ANKS1B: variants seen among roughly 807,000 people sequenced by gnomAD.
ANKS1B encodes ankyrin repeat and sterile alpha motif domain containing 1B.
In ANKS1B, 36 loss-of-function variants were observed where a neutral mutation model predicts 148.3. The observed-to-expected ratio is 0.24, with a 90% CI of 0.19 to 0.32. ANKS1B has a LOEUF of 0.32. ANKS1B is among the 10% of genes least tolerant of loss of function. The pLI, the probability that ANKS1B is intolerant of heterozygous loss-of-function variation, is 1.00. For missense variants in ANKS1B, 1,157 were observed against 1,542.6 expected, an observed-to-expected ratio of 0.75 and a Z score of 4.19; for synonymous variants, 542 against 560.8, an observed-to-expected ratio of 0.97 and a Z score of 0.47.
At chr12:99,339,788 CT>C (rs1287568539) in intron 12 of ANKS1B, among the ~76,000 whole-genome samples, 1 of 152,092 alleles carries the variant, frequency 6.6e-6, no homozygotes, top group Non-Finnish European at 1.5e-5. Context: ...CTGACCTTGG[CT>C]TTTGACAGTA....
intron 14 of ANKS1B, 60 bp from the exon 15 acceptor site, chr12:99,154,455 C>T (rs781437535): frequency 5.6e-6 from 9 of 1,613,230 alleles, no homozygotes; most frequent in South Asian, 2.2e-5. Context: ...GGGGTAATAG[C>T]GGTAGTCCTG....
rs1304818880 is a variant in ANKS1B at position 99,166,910 on chromosome 12, T to C, written c.2420-12515A>G. ...ACATATTAGGATATTGGGGTCAAGA[T>C]AGACAAACAGATCAATGAAACAAAA... On this transcript the variant is annotated intron_variant, in intron 14 of 26. Transcript: ENST00000683438. 2.6e-5 allele frequency among the ~76,000 whole-genome samples: 4 copies of C among 152,042 alleles called. No homozygotes were observed. The South Asian group carries it at 6.2e-4, about 24-fold the overall frequency.
At chr12:99,020,492 T>TA (rs1281933614) in intron 17 of ANKS1B, among the ~76,000 whole-genome samples, 1 of 152,124 alleles carries the variant, frequency 6.6e-6, no homozygotes, top group Non-Finnish European at 1.5e-5. Flanking sequence ...TGCCCAAACA[T>TA]AAGTGATTTA....
intron 8 of ANKS1B, among the ~76,000 whole-genome samples, chr12:99,758,069 T>C (rs1272943275): frequency 1.3e-5 from 2 of 151,962 alleles, no homozygotes; most frequent in African/African-American, 2.4e-5. Flanking sequence ...AACCTGCACA[T>C]GTAACCCTGA....
intron 1 of ANKS1B, among the ~76,000 whole-genome samples, chr12:99,971,637 T>C (rs1367876660): frequency 6.6e-6 from 1 of 150,668 alleles, no homozygotes; most frequent in African/African-American, 2.4e-5. Context: ...AAAATCAATG[T>C]GGAAGAATAC....
intron 14 of ANKS1B, among the ~76,000 whole-genome samples, chr12:99,159,348 T>C (rs1601252310): frequency 6.6e-6 from 1 of 152,070 alleles, no homozygotes; most frequent in East Asian, 1.9e-4. Flanking sequence ...CAGTACCCAA[T>C]AGTTAGTTTT....
chr12:99,058,893 A>G (rs112322088), intron 16 of ANKS1B, among the ~76,000 whole-genome samples: 6,814 of 150,058 alleles, frequency 0.045, 309 homozygotes, highest in African/African-American at 0.11. Context: ...GCCCGCTACC[A>G]CGCCCGGCTA....
At chr12:99,936,281 A>C (rs919956578) in intron 1 of ANKS1B, among the ~76,000 whole-genome samples, 1 of 152,210 alleles carries the variant, frequency 6.6e-6, no homozygotes, top group East Asian at 1.9e-4. Flanking sequence ...AATTCTCAAA[A>C]GCTAAGCCAA....
chr12:99,119,796 A>C (rs995730027), intron 15 of ANKS1B, among the ~76,000 whole-genome samples: 1 of 152,210 alleles, frequency 6.6e-6, no homozygotes, highest in Non-Finnish European at 1.5e-5. Flanking sequence ...GTCATGGATA[A>C]GATCTTGGAG....
chr12:98,807,611 T>A (rs1292847484), intron 20 of ANKS1B, among the ~76,000 whole-genome samples: 3 of 152,188 alleles, frequency 2.0e-5, no homozygotes, highest in Non-Finnish European at 4.4e-5. Context: ...ATGGGACATA[T>A]TTTAACCATA....
At chr12:99,040,354 C>T (rs1038393195) in intron 17 of ANKS1B, among the ~76,000 whole-genome samples, 3 of 151,892 alleles carry the variant, frequency 2.0e-5, no homozygotes, top group South Asian at 2.1e-4. Flanking sequence ...CACCCCTGTT[C>T]GTCTTGTGCA....
At chr12:99,457,275 C>G (rs746115623) in intron 10 of ANKS1B, among the ~76,000 whole-genome samples, 6 of 151,690 alleles carry the variant, frequency 4.0e-5, no homozygotes, top group Admixed American at 6.6e-5. Flanking sequence ...TTTTTAACCT[C>G]TAAATCTTGA....
intron 9 of ANKS1B, among the ~76,000 whole-genome samples, chr12:99,565,810 G>A (rs1001421273): frequency 2.6e-5 from 4 of 152,108 alleles, no homozygotes; most frequent in Non-Finnish European, 5.9e-5. Context: ...AACTTTGTGG[G>A]TCTTCCATGG....
At chr12:98,846,573 G>C (rs1229933447) in intron 17 of ANKS1B, among the ~76,000 whole-genome samples, 1 of 152,218 alleles carries the variant, frequency 6.6e-6, no homozygotes, top group Non-Finnish European at 1.5e-5. Context: ...TAAAGATATG[G>C]AGACAACTGA....
chr12:99,629,899 T>C (rs1334917789), intron 9 of ANKS1B, among the ~76,000 whole-genome samples: 1 of 152,152 alleles, frequency 6.6e-6, no homozygotes, highest in Non-Finnish European at 1.5e-5. Context: ...TAATAGGTTA[T>C]ATGACTGACA....
intron 14 of ANKS1B, among the ~76,000 whole-genome samples, chr12:99,194,963 T>C (rs1338503298): frequency 6.6e-6 from 1 of 152,130 alleles, no homozygotes; most frequent in African/African-American, 2.4e-5. Flanking sequence ...TATTTGAATT[T>C]TTCAAAAATA....
chr12:99,528,811 G>GA (rs1335124627), intron 9 of ANKS1B, among the ~76,000 whole-genome samples: 3 of 152,110 alleles, frequency 2.0e-5, no homozygotes, highest in Non-Finnish European at 2.9e-5. Context: ...ATATCTGTGT[G>GA]AAAAAAGTAT....
At chr12:99,269,625 C>G (rs1248740176) in intron 12 of ANKS1B, among the ~76,000 whole-genome samples, 1 of 152,134 alleles carries the variant, frequency 6.6e-6, no homozygotes, top group Admixed American at 6.5e-5. Context: ...GTAGCGCAAT[C>G]TCGGCTCACT....
chr12:98,854,882 G>T (rs569952652), intron 17 of ANKS1B, among the ~76,000 whole-genome samples: 2 of 152,156 alleles, frequency 1.3e-5, no homozygotes, highest in Non-Finnish European at 2.9e-5. Flanking sequence ...TCTCTTGGCC[G>T]GGCGCGGTGG....
Sources: gnomAD v4.1 joint callset for allele counts (sites outside exome capture counted in the v4.1 genomes callset) on GRCh38, gnomAD v4.1.1 for gene constraint, MANE v1.5 for transcripts, NCBI Gene and HGNC (gene_info 2026-07-23, HGNC 2026-07-21) for gene names.